The following ESRRG variants were observed in gnomAD, a reference collection of about 807,000 sequenced individuals.
ESRRG encodes estrogen related receptor gamma.
Under a neutral mutation model 44.0 loss-of-function variants are expected in ESRRG, and 13 were observed. That is an observed-to-expected ratio of 0.30 (90% CI 0.19 to 0.47). ESRRG has a LOEUF of 0.47. Ranked by LOEUF, ESRRG falls within the 20% of genes least tolerant of loss-of-function variation. ESRRG has a pLI of 1.00. For synonymous variants in ESRRG, 215 were observed against 214.6 expected, an observed-to-expected ratio of 1.00 and a Z score of -0.02; for missense variants, 395 against 580.6, an observed-to-expected ratio of 0.68 and a Z score of 3.29.
At chr1:216,586,857 G>T (rs561188293) in intron 3 of ESRRG, among the ~76,000 whole-genome samples, 1 of 152,160 alleles carries the variant, frequency 6.6e-6, no homozygotes, top group South Asian at 2.1e-4. Context: ...GATTACAGGA[G>T]TGAGCCACCA....
At chr1:216,634,716 T>A (rs1306248936) in intron 3 of ESRRG, among the ~76,000 whole-genome samples, 1 of 152,016 alleles carries the variant, frequency 6.6e-6, no homozygotes, top group African/African-American at 2.4e-5. Flanking sequence ...ATGCAACTGG[T>A]GAAGGGACAG....
At chr1:216,872,153 T>A (rs1367502437) in intron 2 of ESRRG, among the ~76,000 whole-genome samples, 1 of 152,172 alleles carries the variant, frequency 6.6e-6, no homozygotes, top group Non-Finnish European at 1.5e-5. Flanking sequence ...TGGTTTCTGA[T>A]GAGAAATCTA....
chr1:216,686,439 C>CAAAAA (rs58718125), intron 1 of ESRRG, among the ~76,000 whole-genome samples: 23 of 107,172 alleles, frequency 2.1e-4, no homozygotes, highest in African/African-American at 2.9e-4. Context: ...TATTGTTAAC[C>CAAAAA]AAAAAAAAAA....
chr1:216,926,572 T>C (rs560775285), intron 2 of ESRRG, among the ~76,000 whole-genome samples: 1 of 152,280 alleles, frequency 6.6e-6, no homozygotes, highest in Admixed American at 6.5e-5. Context: ...TATTTTTCAA[T>C]GAAAAATAAT....
At chr1:216,816,817 T>G (rs2095152582) in intron 2 of ESRRG, among the ~76,000 whole-genome samples, 1 of 152,150 alleles carries the variant, frequency 6.6e-6, no homozygotes, top group Non-Finnish European at 1.5e-5. Flanking sequence ...AGGCAAACAT[T>G]GAAGATTTGC....
intron 1 of ESRRG, among the ~76,000 whole-genome samples, chr1:217,050,413 C>T (rs2085712352): frequency 6.6e-6 from 1 of 152,120 alleles, no homozygotes; most frequent in Non-Finnish European, 1.5e-5. Context: ...CATCTGAGGT[C>T]TTAGGTCATT....
Position 216,615,469 on chromosome 1 carries a change from G to A in ESRRG, c.589+35504C>T, listed in dbSNP as rs531902375. On this transcript the variant is annotated intron_variant, in intron 3 of 6. Coordinates refer to ENST00000408911, the MANE Select transcript of ESRRG (RefSeq NM_001438.4). ...TTTTAAGGTAGCTTTCCTGCATGAC[G>A]TACAATCTCTGTTAATAACTTTGCA... Among the ~76,000 whole-genome samples, 318 of 152,192 alleles carry A rather than the reference G, an allele frequency of 2.1e-3. 2 individuals are homozygous for A. The highest frequency in any genetic ancestry group is 7.1e-3 in the African/African-American group (295 of 41,534).
chr1:216,617,047 A>G (rs1162270755), intron 3 of ESRRG, among the ~76,000 whole-genome samples: 1 of 152,204 alleles, frequency 6.6e-6, no homozygotes, highest in Admixed American at 6.5e-5. Context: ...TGACATTTTC[A>G]TAATATAAAA....
At position 216,559,884 on chromosome 1, in the gene ESRRG, G is replaced by T. The variant is rs935231183; in HGVS notation, c.862+4335C>A. Among the ~76,000 whole-genome samples the T allele has an allele frequency of 2.6e-5, 4 of 152,010 alleles. 1 individual carries two copies. Among genetic ancestry groups the T allele is most frequent in the Admixed American group, 1.3e-4 (2 of 15,250 alleles). On this transcript the variant is annotated intron_variant, in intron 5 of 6. Coordinates refer to ENST00000408911, the MANE Select transcript of ESRRG (RefSeq NM_001438.4). Reference sequence around the variant, plus strand: ...AGCAATAAATATTTACACATGCTTGGCTATTCTTTTCCAAAGTTTATACCC... The same window carrying T: ...AGCAATAAATATTTACACATGCTTGTCTATTCTTTTCCAAAGTTTATACCC...
At chr1:217,128,182 C>T (rs2092915853) in intron 1 of ESRRG, among the ~76,000 whole-genome samples, 1 of 152,200 alleles carries the variant, frequency 6.6e-6, no homozygotes, top group Non-Finnish European at 1.5e-5. Flanking sequence ...AGTCTTCTTA[C>T]TCAATAACTA....
At chr1:216,754,165 T>A (rs2092295341) in intron 2 of ESRRG, among the ~76,000 whole-genome samples, 1 of 152,016 alleles carries the variant, frequency 6.6e-6, no homozygotes, top group Non-Finnish European at 1.5e-5. Context: ...ACCCGAAACC[T>A]TCTTCCTTCC....
At chr1:217,059,921 C>G (rs2087977748) in intron 1 of ESRRG, among the ~76,000 whole-genome samples, 1 of 151,936 alleles carries the variant, frequency 6.6e-6, no homozygotes, top group Non-Finnish European at 1.5e-5. Flanking sequence ...AAAGACTAGA[C>G]TAGAGTGTTT....
At chr1:216,744,627 C>A (rs560395239) in intron 2 of ESRRG, among the ~76,000 whole-genome samples, 1 of 152,188 alleles carries the variant, frequency 6.6e-6, no homozygotes, top group Non-Finnish European at 1.5e-5. Context: ...AAGAAATGCA[C>A]ACACATAGGA....
At chr1:216,980,769 C>A (rs866770745) in intron 1 of ESRRG, among the ~76,000 whole-genome samples, 1 of 152,168 alleles carries the variant, frequency 6.6e-6, no homozygotes, top group Non-Finnish European at 1.5e-5. Context: ...CATACAATGT[C>A]CATTACAACT....
chr1:216,972,594 T>C (rs1389215174), intron 1 of ESRRG, among the ~76,000 whole-genome samples: 4 of 152,178 alleles, frequency 2.6e-5, no homozygotes, highest in African/African-American at 9.6e-5. Context: ...GTCACTGACA[T>C]GCTGGAACCT....
intron 2 of ESRRG, among the ~76,000 whole-genome samples, chr1:216,912,150 GAAAA>G (rs2060420295): frequency 1.3e-4 from 4 of 31,898 alleles, no homozygotes; most frequent in Non-Finnish European, 1.6e-4. Context: ...GAAAAGAAAA[GAAAA>G]GAAAAGAAAA....
chr1:216,575,924 C>T (rs915778612), intron 3 of ESRRG, among the ~76,000 whole-genome samples: 1 of 152,068 alleles, frequency 6.6e-6, no homozygotes, highest in Admixed American at 6.6e-5. Context: ...GATTTTGCCT[C>T]TATCACTTTA....
chr1:216,723,959 T>G (rs770210350), upstream of ESRRG, among the ~76,000 whole-genome samples: 7 of 152,166 alleles, frequency 4.6e-5, no homozygotes, highest in African/African-American at 1.2e-4. Context: ...CGCGGCTTAT[T>G]TGGTGCTGTA....
chr1:217,065,457 C>T (rs4846807), intron 1 of ESRRG, among the ~76,000 whole-genome samples: 83,449 of 152,120 alleles, frequency 0.55, 23,231 homozygotes, highest in East Asian at 0.78. Flanking sequence ...AAATTTTACC[C>T]ATTTCTCTTT....
Sources: gnomAD v4.1 joint callset for allele counts (sites outside exome capture counted in the v4.1 genomes callset) on GRCh38, gnomAD v4.1.1 for gene constraint, MANE v1.5 for transcripts, NCBI Gene and HGNC (gene_info 2026-07-23, HGNC 2026-07-21) for gene names.